COP1: variants seen among roughly 807,000 people sequenced by gnomAD.
COP1 encodes COP1 E3 ubiquitin ligase, also known as E3 ubiquitin-protein ligase COP1.
A neutral mutation model predicts 101.3 loss-of-function variants in COP1; 24 were observed. The ratio of observed to expected loss-of-function variants is 0.24; its 90% CI spans 0.17 to 0.33. The LOEUF (loss-of-function observed/expected upper bound fraction) is 0.33. Among genes scored for constraint, COP1 ranks in the 10% least tolerant of loss-of-function variants. The pLI is 1.00. For synonymous variants in COP1, 347 were observed against 341.9 expected (o/e 1.01, Z -0.17); for missense variants, 663 against 906.2 (o/e 0.73, Z 3.45).
At chr1:176,200,187 C>T (rs1558306189) in intron 1 of COP1, among the ~76,000 whole-genome samples, 2 of 152,204 alleles carry the variant, frequency 1.3e-5, no homozygotes, top group African/African-American at 4.8e-5. Context: ...AAACAAGTAA[C>T]GTAAAACCTT....
chr1:176,201,200 A>T (rs914925656), intron 1 of COP1, among the ~76,000 whole-genome samples: 2 of 152,116 alleles, frequency 1.3e-5, no homozygotes, highest in African/African-American at 4.8e-5. Flanking sequence ...ACAAAAACCA[A>T]AAAAACCCCT....
intron 9 of COP1, among the ~76,000 whole-genome samples, 160 bp from the exon 10 acceptor site, chr1:176,086,050 T>C (rs905837070): frequency 1.3e-5 from 2 of 152,140 alleles, no homozygotes; most frequent in Non-Finnish European, 2.9e-5. Flanking sequence ...AATTTATCTT[T>C]TAACATGAAA....
intron 1 of COP1, among the ~76,000 whole-genome samples, chr1:176,194,665 T>C (rs572392360): frequency 1.3e-5 from 2 of 151,398 alleles, no homozygotes; most frequent in South Asian, 4.2e-4. Context: ...AGGCAGATTG[T>C]CATACTAAAT....
chr1:176,113,300 G>A (rs1040872045), intron 9 of COP1, among the ~76,000 whole-genome samples: 5 of 152,160 alleles, frequency 3.3e-5, no homozygotes, highest in Admixed American at 1.3e-4. Context: ...GATGGTTAGT[G>A]ATAAGTATTT....
chr1:176,058,134 GT>G (rs1471799428), intron 11 of COP1, among the ~76,000 whole-genome samples: 81 of 51,218 alleles, frequency 1.6e-3, no homozygotes, highest in Middle Eastern at 0.01. Flanking sequence ...GGGAGGTGGG[GT>G]GGGGGGGGGG....
At chr1:176,138,422 T>G (rs1690136054) in intron 6 of COP1, among the ~76,000 whole-genome samples, 1 of 152,106 alleles carries the variant, frequency 6.6e-6, no homozygotes, top group African/African-American at 2.4e-5. Context: ...AAAGAGTGAT[T>G]AGCATTTTCA....
At chr1:176,007,836 G>C (rs893605200) in intron 15 of COP1, among the ~76,000 whole-genome samples, 1 of 152,220 alleles carries the variant, frequency 6.6e-6, no homozygotes, top group Non-Finnish European at 1.5e-5. Flanking sequence ...AGCCTACAGA[G>C]GCAGGCAGGC....
chr1:176,027,536 A>G, intron 15 of COP1, 36 bp downstream of exon 15: 1 of 1,194,488 alleles, frequency 8.4e-7, no homozygotes, highest in East Asian at 2.3e-5. Flanking sequence ...TATTTAACCA[A>G]CATCAAAGGA....
intron 5 of COP1, among the ~76,000 whole-genome samples, chr1:176,159,629 AT>A (rs1289500540): frequency 2.0e-5 from 3 of 152,242 alleles, no homozygotes; most frequent in Non-Finnish European, 2.9e-5. Context: ...TTTAAAATAA[AT>A]AAACCAAATC....
At chr1:176,038,296 G>A (rs1291677706) in intron 14 of COP1, among the ~76,000 whole-genome samples, 2 of 152,136 alleles carry the variant, frequency 1.3e-5, no homozygotes, top group Non-Finnish European at 2.9e-5. Context: ...AGAAGACTCA[G>A]TATATTAAGA....
chr1:176,184,639 C>T lies in COP1; in HGVS notation c.461G>A (p.Ser154Asn). 5 of 1,602,830 alleles carry T rather than the reference C, an allele frequency of 3.1e-6. No homozygotes were observed. Among genetic ancestry groups the T allele is most frequent in the Non-Finnish European group, 4.3e-6 (5 of 1,172,822 alleles). The change falls in exon 2 of 20, where the codon AGC becomes AAC. Residue 154 changes from serine (S) to asparagine (N), a missense_variant. Transcript: ENST00000367669. ...CTCAATAGAATTGTCTTACCAAAAG[C>T]TGTGGCCACATTTTGTCATGTATGC... is the stretch of plus-strand genomic sequence containing the variant. ...EEAYMTKCGH[S>N]FCYKCIHQSL...
At chr1:176,066,149 A>C (rs1675925637) in intron 11 of COP1, among the ~76,000 whole-genome samples, 1 of 152,178 alleles carries the variant, frequency 6.6e-6, no homozygotes, top group Non-Finnish European at 1.5e-5. Flanking sequence ...CTAGAAGCTC[A>C]AAGTCCCTTT....
chr1:176,036,988 A>G (rs1408110286), intron 14 of COP1, among the ~76,000 whole-genome samples: 1 of 152,220 alleles, frequency 6.6e-6, no homozygotes, highest in Non-Finnish European at 1.5e-5. Context: ...ACTCAAGAAG[A>G]GACAGATAAG....
chr1:176,035,701 A>G (rs2149121528), intron 14 of COP1, among the ~76,000 whole-genome samples: 1 of 131,746 alleles, frequency 7.6e-6, no homozygotes, highest in South Asian at 2.8e-4. Context: ...ATAATCAATA[A>G]AACGAGACCA....
rs1249694910 is a variant in COP1, at chr1:176,207,239, G to A, written c.-261C>T. ...CGCCGCCGCCACCGCGGTCCCTGTA[G>A]CAGCCAACCCCGGCGCGCCGTGGCC... On this transcript the variant is annotated 5_prime_UTR_variant, in exon 1 of 20. Coordinates refer to ENST00000367669, the MANE Select transcript of COP1 (RefSeq NM_022457.7). The A allele has an allele frequency of 1.0e-5, 4 of 398,106 alleles. No homozygotes were observed. The highest frequency in any genetic ancestry group is 4.1e-5 in the African/African-American group (2 of 48,474). 24.7% of individuals were successfully genotyped at this position (398,106 alleles called of 1,614,324 possible).
chr1:176,011,621 T>G (rs936867711), intron 15 of COP1, among the ~76,000 whole-genome samples: 1 of 152,216 alleles, frequency 6.6e-6, no homozygotes, highest in Admixed American at 6.5e-5. Flanking sequence ...TTACTCAAAA[T>G]GTGAGCTTCA....
At chr1:176,075,017 A>G (rs1677721946) in intron 11 of COP1, among the ~76,000 whole-genome samples, 1 of 152,156 alleles carries the variant, frequency 6.6e-6, no homozygotes, top group Non-Finnish European at 1.5e-5. Flanking sequence ...TTCATAAACT[A>G]TTCTTTTATT....
intron 4 of COP1, among the ~76,000 whole-genome samples, chr1:176,163,286 A>G (rs1694613922): frequency 6.6e-6 from 1 of 152,230 alleles, no homozygotes; most frequent in South Asian, 2.1e-4. Flanking sequence ...TTGTCTAGCC[A>G]TATTTTCAAT....
chr1:176,003,337 A>G (rs1274690613), intron 15 of COP1, among the ~76,000 whole-genome samples: 5 of 152,174 alleles, frequency 3.3e-5, no homozygotes, highest in Non-Finnish European at 5.9e-5. Context: ...TTCGCTGTGC[A>G]GAAGCTCTTT....
Sources: allele counts gnomAD v4.1 joint callset (sites outside exome capture counted in the v4.1 genomes callset), GRCh38; gene constraint gnomAD v4.1.1; transcripts MANE v1.5; gene names NCBI Gene and HGNC (gene_info 2026-07-23, HGNC 2026-07-21).